The following NRXN1 variants were observed in gnomAD, a reference collection of about 807,000 sequenced individuals.
The protein encoded by NRXN1 is neurexin 1.
Under a neutral mutation model 150.9 loss-of-function variants are expected in NRXN1, and 39 were observed. The observed-to-expected ratio is 0.26, with a 90% CI of 0.20 to 0.34. The LOEUF is 0.34. Among genes scored for constraint, NRXN1 ranks in the 10% least tolerant of loss-of-function variants. NRXN1 has a pLI of 1.00. For missense variants in NRXN1, 1,815 were observed against 1,949.9 expected (o/e 0.93, Z 1.30); for synonymous variants, 924 against 757.0 (o/e 1.22, Z -3.62).
At chr2:50,097,601 A>G (rs1700403488) in intron 18 of NRXN1, among the ~76,000 whole-genome samples, 3 of 152,128 alleles carry the variant, frequency 2.0e-5, no homozygotes, top group Admixed American at 2.0e-4. Context: ...ATCTCACCTA[A>G]AAACAAACAC....
At position 50,525,354 on chromosome 2, in the gene NRXN1, G is replaced by T. The variant is rs528831464; in HGVS notation, c.2374+3271C>A. ...TAGTTTTTTCCTTTTTATGTTAAAA[G>T]AATGTGACTGTACAGTCCCTTCCCA... On this transcript the variant is annotated intron_variant, in intron 12 of 22. Coordinates refer to ENST00000401669, the MANE Select transcript of NRXN1 (RefSeq NM_001330078.2). 2.0e-5 allele frequency among the ~76,000 whole-genome samples: 3 copies of T among 152,264 alleles called. No homozygotes were observed. In the South Asian group the frequency reaches 6.2e-4, roughly 32 times the overall value.
chr2:50,604,384 C>G (rs1411978517), intron 8 of NRXN1, among the ~76,000 whole-genome samples: 1 of 152,154 alleles, frequency 6.6e-6, no homozygotes. Context: ...AACCACTGAC[C>G]TACAGGGTAA....
chr2:50,013,129 T>C (rs552299274), intron 21 of NRXN1, among the ~76,000 whole-genome samples: 30 of 152,264 alleles, frequency 2.0e-4, no homozygotes, highest in Admixed American at 7.8e-4. Context: ...TCATGTCCAA[T>C]AAAGTATTGA....
chr2:50,655,283 G>T (rs1231503738), intron 5 of NRXN1, among the ~76,000 whole-genome samples: 1 of 151,444 alleles, frequency 6.6e-6, no homozygotes, highest in Non-Finnish European at 1.5e-5. Flanking sequence ...TATTTTTCAA[G>T]TATTAATAAA....
chr2:50,787,424 T>C (rs185951258), intron 5 of NRXN1, among the ~76,000 whole-genome samples: 1 of 151,908 alleles, frequency 6.6e-6, no homozygotes, highest in Non-Finnish European at 1.5e-5. Context: ...TAGCCAAGCA[T>C]GTTGGCGGGC....
intron 21 of NRXN1, among the ~76,000 whole-genome samples, chr2:50,040,004 T>C (rs7571851): frequency 0.38 from 58,170 of 151,942 alleles, 11,720 homozygotes; most frequent in Middle Eastern, 0.51. Context: ...TAACTGAGAT[T>C]AGTATTGGAT....
chr2:50,845,033 C>A (rs1673436842), intron 5 of NRXN1, among the ~76,000 whole-genome samples: 1 of 152,104 alleles, frequency 6.6e-6, no homozygotes, highest in Non-Finnish European at 1.5e-5. Context: ...TTCAAAAATT[C>A]TTTTGTGTAG....
chr2:50,311,497 C>T (rs1281629752), intron 17 of NRXN1, among the ~76,000 whole-genome samples: 1 of 152,008 alleles, frequency 6.6e-6, no homozygotes, highest in Non-Finnish European at 1.5e-5. Flanking sequence ...ACTGATAATC[C>T]GAACCTGGAT....
At position 50,857,389 on chromosome 2, in the gene NRXN1, A is replaced by G. The variant is rs117597241; in HGVS notation, c.832+64480T>C. On this transcript the variant is annotated intron_variant, in intron 5 of 22. Transcript: ENST00000401669. Reference sequence around the variant, plus strand: ...TTGGTGAGTAGATGTGTCTAGCACTATTTTTTTATGTGGTTGATTTGAGGT... The same window carrying G: ...TTGGTGAGTAGATGTGTCTAGCACTGTTTTTTTATGTGGTTGATTTGAGGT... Among the ~76,000 whole-genome samples, 21 of 152,048 alleles carry G rather than the reference A, an allele frequency of 1.4e-4. No homozygotes were observed. In the South Asian group the frequency reaches 2.1e-3, roughly 15 times the overall value.
chr2:50,802,292 G>T (rs1169736480), intron 5 of NRXN1, among the ~76,000 whole-genome samples: 1 of 152,104 alleles, frequency 6.6e-6, no homozygotes, highest in Admixed American at 6.5e-5. Flanking sequence ...AGGAGTTTAA[G>T]ATCAGCCTAG....
intron 7 of NRXN1, 99 bp downstream of exon 7, chr2:50,621,127 T>C (rs1428507710): frequency 9.5e-7 from 1 of 1,054,778 alleles, no homozygotes; most frequent in Non-Finnish European, 1.4e-6. Context: ...CCTCTTTTGT[T>C]AATGATGTCT....
intron 8 of NRXN1, among the ~76,000 whole-genome samples, chr2:50,609,626 T>C (rs916022857): frequency 3.3e-5 from 5 of 152,154 alleles, no homozygotes; most frequent in African/African-American, 4.8e-5. Context: ...GGAGCCAAGA[T>C]TGGAATCTGG....
intron 17 of NRXN1, among the ~76,000 whole-genome samples, chr2:50,345,854 T>A (rs79083323): frequency 0.022 from 3,285 of 152,276 alleles, 129 homozygotes; most frequent in African/African-American, 0.076. Flanking sequence ...CTGGAAAGCA[T>A]TAATCACTGA....
chr2:50,634,259 T>C (rs559845128), intron 5 of NRXN1, among the ~76,000 whole-genome samples: 23 of 152,340 alleles, frequency 1.5e-4, no homozygotes, highest in African/African-American at 5.3e-4. Context: ...TGCGTAGGCA[T>C]GGAAGTGACA....
chr2:50,133,191 G>C (rs140302680), intron 18 of NRXN1, among the ~76,000 whole-genome samples: 59 of 152,284 alleles, frequency 3.9e-4, no homozygotes, highest in Non-Finnish European at 7.9e-4. Flanking sequence ...AGCTGGCTTA[G>C]GCTTGAACTG....
chr2:50,087,414 C>G (rs1185445402), intron 19 of NRXN1, among the ~76,000 whole-genome samples: 1 of 151,998 alleles, frequency 6.6e-6, no homozygotes, highest in Non-Finnish European at 1.5e-5. Context: ...AGTTTATTAT[C>G]AAAGATAACT....
chr2:50,525,683 G>T (rs2092932509), intron 12 of NRXN1, among the ~76,000 whole-genome samples: 1 of 152,180 alleles, frequency 6.6e-6, no homozygotes, highest in Non-Finnish European at 1.5e-5. Flanking sequence ...GCAGTGAAAT[G>T]GCCATTATTC....
At chr2:49,982,129 G>A (rs188860146) in intron 21 of NRXN1, among the ~76,000 whole-genome samples, 24 of 152,158 alleles carry the variant, frequency 1.6e-4, no homozygotes, top group African/African-American at 5.3e-4. Context: ...TGGACATGCC[G>A]GGTCATCCAA....
chr2:50,448,430 G>A (rs2086655902), intron 17 of NRXN1, among the ~76,000 whole-genome samples: 1 of 152,090 alleles, frequency 6.6e-6, no homozygotes, highest in South Asian at 2.1e-4. Context: ...AAAAAGATAA[G>A]GAAACAAAGG....
Sources: allele counts gnomAD v4.1 joint callset (sites outside exome capture counted in the v4.1 genomes callset), GRCh38; gene constraint gnomAD v4.1.1; transcripts MANE v1.5; gene names NCBI Gene and HGNC (gene_info 2026-07-23, HGNC 2026-07-21).